The following GABRG3 variants were observed in gnomAD, a reference collection of about 807,000 sequenced individuals.
GABRG3 encodes the protein gamma-aminobutyric acid type A receptor subunit gamma3.
GABRG3 carries 25 observed loss-of-function variants against 48.8 expected under a neutral mutation model. The observed-to-expected ratio is 0.51, with a 90% CI of 0.37 to 0.72. The LOEUF is 0.72. Ranked by LOEUF, GABRG3 falls within the 30% of genes least tolerant of loss-of-function variation. The pLI is 0.00. For synonymous variants in GABRG3, 227 were observed against 217.6 expected (o/e 1.04, Z -0.38); for missense variants, 394 against 577.9 (o/e 0.68, Z 3.26).
intron 3 of GABRG3, among the ~76,000 whole-genome samples, chr15:27,042,374 A>G (rs1174264472): frequency 6.6e-6 from 1 of 152,146 alleles, no homozygotes; most frequent in African/African-American, 2.4e-5. Context: ...CGAATGCTGC[A>G]GCCCTCCTGC....
chr15:27,460,741 C>G (rs1481020400), intron 5 of GABRG3, among the ~76,000 whole-genome samples: 5 of 152,042 alleles, frequency 3.3e-5, no homozygotes, highest in African/African-American at 9.7e-5. Context: ...AGATCTGGCC[C>G]GAGGACATGA....
chr15:27,078,970 A>G (rs570740705), intron 3 of GABRG3, among the ~76,000 whole-genome samples: 1 of 152,196 alleles, frequency 6.6e-6, no homozygotes, highest in Non-Finnish European at 1.5e-5. Context: ...AGACAGAGAA[A>G]AACACCCAGT....
At chr15:27,331,206 C>T (rs1216537889) in intron 5 of GABRG3, among the ~76,000 whole-genome samples, 1 of 152,114 alleles carries the variant, frequency 6.6e-6, no homozygotes, top group Non-Finnish European at 1.5e-5. Flanking sequence ...AGTAGACATA[C>T]TGGTACTATA....
chr15:27,051,681 C>T (rs893500322), intron 3 of GABRG3, among the ~76,000 whole-genome samples: 8 of 152,320 alleles, frequency 5.3e-5, no homozygotes, highest in Non-Finnish European at 8.8e-5. Context: ...AGTTTTTCCA[C>T]GGACCAGGGC....
chr15:27,030,741 T>C (rs1896069259), intron 3 of GABRG3, among the ~76,000 whole-genome samples: 1 of 152,066 alleles, frequency 6.6e-6, no homozygotes, highest in Admixed American at 6.6e-5. Context: ...CACAAGACCA[T>C]AGTGGAGAAG....
rs1459159358 is a variant in GABRG3 at position 27,319,712 on chromosome 15, A to AATGGTGCACC, written c.271-7094_271-7093insGTGCACCATG. 6.6e-6 allele frequency among the ~76,000 whole-genome samples: 1 copy of AATGGTGCACC among 152,108 alleles called. No individual in the cohort carries two copies. The highest frequency in any genetic ancestry group is 6.5e-5 in the Admixed American group (1 of 15,276). On this transcript the variant is annotated intron_variant, in intron 3 of 9. Coordinates refer to ENST00000615808, the MANE Select transcript of GABRG3 (RefSeq NM_033223.5). This position sits in a 1 kb window ranked among gnomAD's most constrained non-coding sequence, Gnocchi z 4.4. ...GAGGTCTGTGCCGGGATGTTGTACC[A>AATGGTGCACC]ATGCGTGCACCATGGTGGCTATAGT...
chr15:27,253,696 CCTCGATGGAAAAGGCAGAATTCTCTT>C (rs1443748071), intron 3 of GABRG3, among the ~76,000 whole-genome samples: 1 of 152,248 alleles, frequency 6.6e-6, no homozygotes, highest in Non-Finnish European at 1.5e-5. Flanking sequence ...CAGGAGCTTC[CCTCGATGGAAAAGGCAGAATTCTCTT>C]CTTGATCTCC....
intron 9 of GABRG3, 112 bp from the exon 10 acceptor site, chr15:27,532,488 C>A (rs1259073409): frequency 2.1e-6 from 2 of 971,878 alleles, no homozygotes; most frequent in Non-Finnish European, 2.9e-6. Context: ...CACACCCACG[C>A]ATCCTCTTTA....
At chr15:27,001,888 G>GTTTTGTTTTTT (rs1555397293) in intron 2 of GABRG3, among the ~76,000 whole-genome samples, 1 of 121,230 alleles carries the variant, frequency 8.2e-6, no homozygotes, top group Non-Finnish European at 1.7e-5. Context: ...CCATAACTCA[G>GTTTTGTTTTTT]TTTTTTTTTT....
chr15:27,158,877 C>G (rs560711313), intron 3 of GABRG3, among the ~76,000 whole-genome samples: 2 of 152,226 alleles, frequency 1.3e-5, no homozygotes, highest in East Asian at 3.9e-4. Flanking sequence ...AGAATGGTCT[C>G]TCATTTCACT....
chr15:27,205,835 A>G (rs559420947), intron 3 of GABRG3, among the ~76,000 whole-genome samples: 1 of 151,770 alleles, frequency 6.6e-6, no homozygotes, highest in East Asian at 1.9e-4. Flanking sequence ...AATTTCTTCT[A>G]GATTTTCTAG....
chr15:27,222,787 C>T (rs1889494059), intron 3 of GABRG3, among the ~76,000 whole-genome samples: 1 of 152,150 alleles, frequency 6.6e-6, no homozygotes, highest in East Asian at 1.9e-4. Flanking sequence ...CTGCAGTGTT[C>T]CCGGGAGACC....
chr15:27,296,242 T>G (rs1287140647), intron 3 of GABRG3, among the ~76,000 whole-genome samples: 2 of 152,240 alleles, frequency 1.3e-5, no homozygotes, highest in African/African-American at 4.8e-5. Flanking sequence ...GATTATGTAA[T>G]TATGAAATAC....
intron 5 of GABRG3, among the ~76,000 whole-genome samples, chr15:27,384,677 T>C (rs12911259): frequency 0.4 from 60,992 of 151,968 alleles, 12,439 homozygotes; most frequent in East Asian, 0.51. Flanking sequence ...GAATTACAGA[T>C]TAATGTTAAA....
At chr15:27,050,118 C>T (rs1376000616) in intron 3 of GABRG3, among the ~76,000 whole-genome samples, 2 of 152,126 alleles carry the variant, frequency 1.3e-5, no homozygotes, top group Non-Finnish European at 2.9e-5. Context: ...CGTTCTGATA[C>T]CTATGTATAT....
chr15:27,086,466 C>T (rs1334113643), intron 3 of GABRG3, among the ~76,000 whole-genome samples: 1 of 152,114 alleles, frequency 6.6e-6, no homozygotes, highest in Admixed American at 6.6e-5. Context: ...ACCCTGCCTC[C>T]CCTGCCAGAA....
chr15:27,309,179 TAG>T (rs1384869836), intron 3 of GABRG3, among the ~76,000 whole-genome samples: 2 of 150,796 alleles, frequency 1.3e-5, no homozygotes, highest in Non-Finnish European at 3.0e-5. Context: ...GATGTTTATA[TAG>T]AAACACATAT....
intron 2 of GABRG3, among the ~76,000 whole-genome samples, 192 bp downstream of exon 2, chr15:26,977,342 G>C (rs1432610913): frequency 6.6e-6 from 1 of 152,112 alleles, no homozygotes; most frequent in Non-Finnish European, 1.5e-5. Context: ...CAGGAACGTG[G>C]CTCTGTGTCA....
chr15:27,358,268 G>A (rs1389166366), intron 5 of GABRG3, among the ~76,000 whole-genome samples: 1 of 152,122 alleles, frequency 6.6e-6, no homozygotes, highest in Non-Finnish European at 1.5e-5. Context: ...TTGCTCTTAC[G>A]AGTGAAAATG....
Sources: allele counts gnomAD v4.1 joint callset (sites outside exome capture counted in the v4.1 genomes callset), GRCh38; gene constraint gnomAD v4.1.1; non-coding constraint Gnocchi (gnomAD v3.1); transcripts MANE v1.5; gene names NCBI Gene and HGNC (gene_info 2026-07-23, HGNC 2026-07-21).